The following DGKB variants were observed in gnomAD, a reference collection of about 807,000 sequenced individuals.
DGKB encodes the protein 90 kDa diacylglycerol kinase.
Under a neutral mutation model 114.3 loss-of-function variants are expected in DGKB, and 67 were observed. That is an observed-to-expected ratio of 0.59 (90% CI 0.48 to 0.72). The LOEUF (loss-of-function observed/expected upper bound fraction) is 0.72, where lower values mean the gene tolerates loss of function less well. DGKB is among the 30% of genes least tolerant of loss of function. DGKB has a pLI of 0.00. For missense variants in DGKB, 907 were observed against 975.2 expected (o/e 0.93, Z 0.93); for synonymous variants, 398 against 323.1 (o/e 1.23, Z -2.49).
chr7:14,873,241 C>G (rs547551995), intron 1 of DGKB, among the ~76,000 whole-genome samples: 2 of 152,004 alleles, frequency 1.3e-5, no homozygotes, highest in Non-Finnish European at 2.9e-5. Context: ...GGCTAGCATC[C>G]CTTTCTATTA....
chr7:14,554,484 G>C (rs1349459041), intron 20 of DGKB, among the ~76,000 whole-genome samples: 1 of 152,058 alleles, frequency 6.6e-6, no homozygotes, highest in African/African-American at 2.4e-5. Flanking sequence ...GCTTTGTGCA[G>C]CTTACACTTT....
intron 25 of DGKB, among the ~76,000 whole-genome samples, chr7:14,170,145 AAAAG>A (rs58897814): frequency 0.11 from 11,419 of 99,440 alleles, 977 homozygotes; most frequent in Middle Eastern, 0.15. Flanking sequence ...AAAAAAAAAA[AAAAG>A]AAAGAAAGAA....
Position 14,928,123 on chromosome 7 carries a change from T to G in DGKB, c.-188+46573A>C, listed in dbSNP as rs1258327628. On this transcript the variant is annotated intron_variant, in intron 1 of 4. Transcript: ENST00000437998. ...AACAAAATACATTTAAAATTCTATTTATGATTTAAGATAAATATGCTAAAA... is the reference window on the plus strand; with the variant it reads ...AACAAAATACATTTAAAATTCTATTGATGATTTAAGATAAATATGCTAAAA... Among the ~76,000 whole-genome samples the G allele has an allele frequency of 3.9e-5, 6 of 152,000 alleles. 1 individual carries two copies. Among genetic ancestry groups the G allele is most frequent in the Admixed American group, 3.9e-4 (6 of 15,262 alleles).
chr7:14,410,982 C>A (rs569369923), intron 21 of DGKB, among the ~76,000 whole-genome samples: 5 of 152,210 alleles, frequency 3.3e-5, no homozygotes, highest in Non-Finnish European at 5.9e-5. Context: ...TCAATAGAAA[C>A]CTTACTTGAA....
chr7:14,686,782 G>A (rs543300601), intron 9 of DGKB, among the ~76,000 whole-genome samples: 6 of 152,072 alleles, frequency 3.9e-5, no homozygotes, highest in African/African-American at 7.2e-5. Context: ...CTTCCTGGGC[G>A]ATAATTCTTG....
chr7:14,372,182 C>T (rs577795858), intron 21 of DGKB, among the ~76,000 whole-genome samples: 3 of 152,278 alleles, frequency 2.0e-5, no homozygotes, highest in East Asian at 1.9e-4. Context: ...GAGGGAGACT[C>T]TCTGTCCCTC....
At chr7:14,721,790 A>C (rs1466972324) in intron 5 of DGKB, among the ~76,000 whole-genome samples, 2 of 152,172 alleles carry the variant, frequency 1.3e-5, no homozygotes, top group Admixed American at 1.3e-4. Flanking sequence ...AAGAAGATAA[A>C]ATGTCAAAGA....
At chr7:14,555,200 A>G (rs1200564155) in intron 20 of DGKB, among the ~76,000 whole-genome samples, 1 of 152,128 alleles carries the variant, frequency 6.6e-6, no homozygotes, top group African/African-American at 2.4e-5. Context: ...TTTATTATGT[A>G]TTGTGCATTT....
chr7:14,357,998 G>A (rs1175570859), intron 21 of DGKB, among the ~76,000 whole-genome samples: 1 of 152,074 alleles, frequency 6.6e-6, no homozygotes, highest in Non-Finnish European at 1.5e-5. Flanking sequence ...TGGGTAACCC[G>A]ACCTTTCTCT....
chr7:14,905,945 G>A (rs1783683320), upstream of DGKB, among the ~76,000 whole-genome samples: 1 of 152,106 alleles, frequency 6.6e-6, no homozygotes, highest in African/African-American at 2.4e-5. Flanking sequence ...GGCACTTTAA[G>A]GATGTGACTC....
chr7:14,624,135 G>A (rs145740067), intron 14 of DGKB, among the ~76,000 whole-genome samples: 2 of 152,130 alleles, frequency 1.3e-5, no homozygotes, highest in African/African-American at 4.8e-5. Context: ...AACATTCAGT[G>A]GTTACGTCAG....
chr7:14,682,309 G>A (rs1820976270), intron 12 of DGKB, among the ~76,000 whole-genome samples: 1 of 152,004 alleles, frequency 6.6e-6, no homozygotes, highest in South Asian at 2.1e-4. Context: ...ATGGAACACA[G>A]TTTAAAAACC....
At chr7:14,593,096 G>C (rs566951773) in intron 17 of DGKB, among the ~76,000 whole-genome samples, 1 of 152,016 alleles carries the variant, frequency 6.6e-6, no homozygotes, top group African/African-American at 2.4e-5. Context: ...ATAAGTTTTA[G>C]AGTATTTGAA....
At position 14,421,082 on chromosome 7, in the gene DGKB, T is replaced by G. The variant is rs1405669698; in HGVS notation, c.1835+57079A>C. Among the ~76,000 whole-genome samples the G allele has an allele frequency of 2.0e-5, 3 of 152,086 alleles. 1 individual carries two copies. The highest frequency in any genetic ancestry group is 4.1e-4 in the South Asian group (2 of 4,830). ...GCCTCTGATTGGCCAGAGTCAAACCTCCACTTCCATCCTTTATTACATAGC... is the reference window on the plus strand; with the variant it reads ...GCCTCTGATTGGCCAGAGTCAAACCGCCACTTCCATCCTTTATTACATAGC... On this transcript the variant is annotated intron_variant, in intron 21 of 25. Coordinates refer to ENST00000402815, the MANE Select transcript of DGKB (RefSeq NM_001350709.2).
chr7:14,847,184 G>A (rs1028486949), intron 1 of DGKB, among the ~76,000 whole-genome samples: 1 of 151,836 alleles, frequency 6.6e-6, no homozygotes, highest in Admixed American at 6.6e-5. Context: ...CCAGCTACTC[G>A]GGAGGCTGAG....
At chr7:14,910,039 T>C (rs1286313177) in intron 1 of DGKB, among the ~76,000 whole-genome samples, 4 of 151,840 alleles carry the variant, frequency 2.6e-5, no homozygotes, top group Admixed American at 2.6e-4. Context: ...AAACCTTGCC[T>C]CCACTAAAAA....
intron 23 of DGKB, among the ~76,000 whole-genome samples, chr7:14,201,417 G>C (rs1365161481): frequency 1.3e-5 from 2 of 151,978 alleles, no homozygotes; most frequent in African/African-American, 2.4e-5. Flanking sequence ...TGATCAATTA[G>C]AGAAGCATTG....
chr7:14,472,872 G>T (rs923961776), intron 21 of DGKB, among the ~76,000 whole-genome samples: 1 of 152,066 alleles, frequency 6.6e-6, no homozygotes, highest in Non-Finnish European at 1.5e-5. Context: ...GATGATTTAG[G>T]GTATCTGGAG....
chr7:14,246,648 G>T (rs986996961), intron 23 of DGKB, among the ~76,000 whole-genome samples: 6 of 152,150 alleles, frequency 3.9e-5, no homozygotes, highest in African/African-American at 1.4e-4. Flanking sequence ...GTGGCTCAGA[G>T]ATTAGTCCCC....
Sources: allele counts gnomAD v4.1 joint callset (sites outside exome capture counted in the v4.1 genomes callset), GRCh38; gene constraint gnomAD v4.1.1; transcripts MANE v1.5; gene names NCBI Gene and HGNC (gene_info 2026-07-23, HGNC 2026-07-21).